DOCK7: variants seen among roughly 807,000 people sequenced by gnomAD.
The protein encoded by DOCK7 is dedicator of cytokinesis 7, also known as dedicator of cytokinesis protein 7.
A neutral mutation model predicts 271.0 loss-of-function variants in DOCK7; 138 were observed. That is an observed-to-expected ratio of 0.51 (90% CI 0.44 to 0.59). The LOEUF is 0.59. DOCK7 is among the 20% of genes least tolerant of loss of function. DOCK7 has a pLI of 0.00. For missense variants in DOCK7, 2,066 were observed against 2,592.4 expected, an observed-to-expected ratio of 0.80 and a Z score of 4.41; for synonymous variants, 823 against 876.1, an observed-to-expected ratio of 0.94 and a Z score of 1.07.
Position 62,559,254 on chromosome 1 carries a change from T to G in DOCK7, c.2200-34A>C. 3 of 1,517,686 alleles carry G rather than the reference T, an allele frequency of 2.0e-6. No homozygotes were observed. In the South Asian group the frequency reaches 3.6e-5, roughly 18 times the overall value. 94.0% of individuals were successfully genotyped at this position (1,517,686 alleles called of 1,614,324 possible). ...AAGAATAAACAAAAGCACTAAGCAC[T>G]TATAACTTTATAAATTTCCCACTTC... On this transcript the variant is annotated intron_variant, in intron 19 of 49. Transcript: ENST00000635253.
chr1:62,538,185 T>G, intron 27 of DOCK7, 124 bp from the exon 28 acceptor site: 1 of 915,892 alleles, frequency 1.1e-6, no homozygotes, highest in Non-Finnish European at 1.6e-6. Context: ...TTTTGTGGCT[T>G]AAGTAGCAGT....
intron 1 of DOCK7, among the ~76,000 whole-genome samples, chr1:62,669,921 C>CG (rs1475105042): frequency 6.6e-6 from 1 of 152,232 alleles, no homozygotes; most frequent in Non-Finnish European, 1.5e-5. Flanking sequence ...GGGCTGTGTG[C>CG]GGCACTTGCG....
At position 62,653,981 on chromosome 1, in the gene DOCK7, T is replaced by C. The variant is rs2149694232; in HGVS notation, c.320+3A>G. The C allele has an allele frequency of 6.2e-7, 1 of 1,611,962 alleles. No individual in the cohort carries two copies. The highest frequency in any genetic ancestry group is 1.1e-5 in the South Asian group (1 of 90,800). On this transcript the variant is annotated splice_donor_region_variant and intron_variant, in intron 3 of 49. Coordinates refer to ENST00000635253, the MANE Select transcript of DOCK7 (RefSeq NM_001367561.1). Reference sequence around the variant, plus strand: ...AGCCAAAAATAAGTCAATGTCTCCTTACCTTTCTTCAGGTACAGCTGAAAC... The same window carrying C: ...AGCCAAAAATAAGTCAATGTCTCCTCACCTTTCTTCAGGTACAGCTGAAAC...
At chr1:62,542,809 T>C (rs933557496) in intron 24 of DOCK7, 106 bp from the exon 25 acceptor site, 198 of 1,018,768 alleles carry the variant, frequency 1.9e-4, no homozygotes, top group Admixed American at 4.6e-5. Flanking sequence ...ATAAGCAAAA[T>C]AAGGCACGTG....
At chr1:62,582,345 T>C (rs2149490894) in intron 16 of DOCK7, among the ~76,000 whole-genome samples, 1 of 150,600 alleles carries the variant, frequency 6.6e-6, no homozygotes, top group South Asian at 2.1e-4. Context: ...GGTCAGGAGA[T>C]CGAGACCATC....
chr1:62,668,308 T>C (rs1446589373), intron 1 of DOCK7, among the ~76,000 whole-genome samples: 1 of 152,148 alleles, frequency 6.6e-6, no homozygotes, highest in East Asian at 1.9e-4. Flanking sequence ...GACTAAGTTT[T>C]AGTGTAAAAA....
intron 21 of DOCK7, among the ~76,000 whole-genome samples, chr1:62,554,133 T>C (rs1380672249): frequency 6.6e-6 from 1 of 152,178 alleles, no homozygotes; most frequent in East Asian, 1.9e-4. Flanking sequence ...ATCTTTATGA[T>C]ATACATACAA....
intron 22 of DOCK7, among the ~76,000 whole-genome samples, chr1:62,548,895 T>C (rs758275230): frequency 3.3e-5 from 5 of 152,126 alleles, no homozygotes; most frequent in Admixed American, 6.5e-5. Context: ...TTCATATATA[T>C]CCAAATCTGA....
intron 1 of DOCK7, among the ~76,000 whole-genome samples, chr1:62,669,930 C>G (rs888421855): frequency 1.3e-5 from 2 of 152,238 alleles, no homozygotes; most frequent in African/African-American, 4.8e-5. Flanking sequence ...GCGGCACTTG[C>G]GGGCCAGCTG....
intron 37 of DOCK7, among the ~76,000 whole-genome samples, chr1:62,499,692 A>T (rs2149310180): frequency 6.6e-6 from 1 of 152,136 alleles, no homozygotes; most frequent in Middle Eastern, 3.4e-3. Context: ...TAGGCAACAG[A>T]GACAGATCCT....
intron 1 of DOCK7, among the ~76,000 whole-genome samples, chr1:62,666,953 C>A (rs1296293227): frequency 6.6e-6 from 1 of 152,226 alleles, no homozygotes. Context: ...TATGTCAACA[C>A]ACATTACAGT....
chr1:62,658,299 T>C (rs1040835607), intron 2 of DOCK7, among the ~76,000 whole-genome samples: 3 of 150,944 alleles, frequency 2.0e-5, no homozygotes, highest in Admixed American at 6.6e-5. Context: ...ACTAAAAATA[T>C]AAAAATTAGC....
At chr1:62,487,485 C>T in intron 42 of DOCK7, 73 bp from the exon 43 acceptor site, 2 of 1,335,190 alleles carry the variant, frequency 1.5e-6, no homozygotes, top group Admixed American at 1.8e-5. Context: ...CCAAAGGCAC[C>T]ATATACCATA....
rs150120215 is a variant in DOCK7 at position 62,586,551 on chromosome 1, T to C, written c.1756A>G (p.Lys586Glu). Reference protein sequence around the residue: ...RQGSARNITVKVQFMYGEDPS... With the variant: ...RQGSARNITVEVQFMYGEDPS... ...TCCTCTCCATACATAAACTGGACTT[T>C]CACTGTTATATTTCTAGCAGAACCT... is the stretch of plus-strand genomic sequence containing the variant. The change falls in exon 15 of 50, where the codon AAA (lysine) becomes GAA (glutamate). Residue 586 changes from lysine to glutamate, a missense_variant. This residue lies in a region of DOCK7 where 1,414 missense variants were observed against 1,670.4 expected (regional missense o/e 0.85). Coordinates refer to ENST00000635253, the MANE Select transcript of DOCK7 (RefSeq NM_001367561.1). 119 of 1,612,872 alleles carry C rather than the reference T, an allele frequency of 7.4e-5. No homozygotes were observed. The highest frequency in any genetic ancestry group is 9.8e-5 in the Non-Finnish European group (115 of 1,179,296).
chr1:62,543,616 T>C, intron 24 of DOCK7, 40 bp downstream of exon 24: 1 of 1,449,874 alleles, frequency 6.9e-7, no homozygotes, highest in Non-Finnish European at 9.6e-7. Context: ...ATTGGTGAAA[T>C]TATTTTCCCC....
At chr1:62,586,722 T>TA (rs1186332433) in intron 14 of DOCK7, 98 bp from the exon 15 acceptor site, 19 of 643,382 alleles carry the variant, frequency 3.0e-5, no homozygotes, top group Non-Finnish European at 4.6e-5. Flanking sequence ...AATACTGAAT[T>TA]ACTGATATTG....
intron 14 of DOCK7, chr1:62,601,269 A>T: frequency 2.8e-6 from 3 of 1,055,784 alleles, no homozygotes; most frequent in Non-Finnish European, 4.4e-6. Flanking sequence ...CTTGTTCTAG[A>T]CTAAAAGATA....
At chr1:62,582,289 G>A (rs962794300) in intron 16 of DOCK7, among the ~76,000 whole-genome samples, 4 of 152,112 alleles carry the variant, frequency 2.6e-5, no homozygotes, top group Non-Finnish European at 4.4e-5. Context: ...GGTGGCTCAC[G>A]CCTGTAATCC....
chr1:62,546,811 G>A (rs1416735661), intron 22 of DOCK7, among the ~76,000 whole-genome samples: 2 of 151,866 alleles, frequency 1.3e-5, no homozygotes, highest in Non-Finnish European at 2.9e-5. Context: ...AAACCAAAAG[G>A]CTTATGTTTT....
Sources: allele counts gnomAD v4.1 joint callset (sites outside exome capture counted in the v4.1 genomes callset), GRCh38; gene constraint gnomAD v4.1.1; regional missense constraint gnomAD v4.1.1; transcripts MANE v1.5; gene names NCBI Gene and HGNC (gene_info 2026-07-23, HGNC 2026-07-21).